BCAT1: variants seen among roughly 807,000 people sequenced by gnomAD.
BCAT1 encodes branched chain amino acid transaminase 1, also known as branched-chain-amino-acid aminotransferase, cytosolic.
A neutral mutation model predicts 52.4 loss-of-function variants in BCAT1; 48 were observed. The observed-to-expected ratio is 0.92, with a 90% confidence interval of 0.73 to 1.16. The LOEUF (loss-of-function observed/expected upper bound fraction) is 1.16. Among genes scored for constraint, BCAT1 ranks in the 50% most tolerant of loss-of-function variants. The pLI, the probability that BCAT1 is intolerant of heterozygous loss-of-function variation, is 0.00. For synonymous variants in BCAT1, 167 were observed against 161.3 expected (o/e 1.04, Z -0.27); for missense variants, 451 against 457.1 (o/e 0.99, Z 0.12).
intron 1 of BCAT1, chr12:24,902,113 C>T: frequency 6.8e-7 from 1 of 1,465,612 alleles, no homozygotes. Flanking sequence ...GGTTTTTGTC[C>T]TCCTCCGCCG....
chr12:24,890,224 G>C (rs1215598255), intron 3 of BCAT1, among the ~76,000 whole-genome samples: 1 of 152,170 alleles, frequency 6.6e-6, no homozygotes, highest in Non-Finnish European at 1.5e-5. Flanking sequence ...ACTTGTGTCT[G>C]GGCCAGGTGA....
chr12:24,902,176 C>T (rs1943124544), intron 1 of BCAT1: 1 of 1,432,682 alleles, frequency 7.0e-7, no homozygotes, highest in Admixed American at 2.9e-5. Context: ...CCAGGGTTCG[C>T]CGGCAAAGAA....
intron 3 of BCAT1, among the ~76,000 whole-genome samples, chr12:24,889,420 A>G (rs921059973): frequency 2.0e-5 from 3 of 152,206 alleles, no homozygotes; most frequent in African/African-American, 7.2e-5. Flanking sequence ...TGGCCGAACA[A>G]TATTTCCAGT....
At chr12:24,884,588 C>T (rs952450813) in intron 3 of BCAT1, among the ~76,000 whole-genome samples, 1 of 152,144 alleles carries the variant, frequency 6.6e-6, no homozygotes, top group African/African-American at 2.4e-5. Flanking sequence ...CAAAACACTA[C>T]ATCGTACCCC....
intron 1 of BCAT1, 123 bp from the exon 2 acceptor site, chr12:24,902,008 A>G: frequency 6.3e-7 from 1 of 1,589,466 alleles, no homozygotes; most frequent in African/African-American, 1.3e-5. Context: ...AACACAAAAA[A>G]GGAGGCTCAG....
intron 1 of BCAT1, among the ~76,000 whole-genome samples, chr12:24,923,564 G>C (rs1565500502): frequency 6.6e-6 from 1 of 152,100 alleles, no homozygotes; most frequent in African/African-American, 2.4e-5. Flanking sequence ...GCACCACCAT[G>C]CCTGGCTAAT....
chr12:24,880,349 A>T (rs1447824316), intron 4 of BCAT1, among the ~76,000 whole-genome samples: 1 of 152,188 alleles, frequency 6.6e-6, no homozygotes, highest in East Asian at 1.9e-4. Context: ...CCCAGATACT[A>T]AGGAGGCTGA....
intron 5 of BCAT1, among the ~76,000 whole-genome samples, chr12:24,868,741 C>A (rs1179107602): frequency 6.6e-6 from 1 of 152,114 alleles, no homozygotes; most frequent in Non-Finnish European, 1.5e-5. Flanking sequence ...CAAAAAATTT[C>A]TTTAAAATGC....
intron 6 of BCAT1, 50 bp from the exon 7 acceptor site, chr12:24,842,274 C>G (rs780048756): frequency 6.3e-7 from 1 of 1,592,294 alleles, no homozygotes; most frequent in Non-Finnish European, 8.6e-7. Flanking sequence ...CATCCCCACT[C>G]CCTCATCTTC....
intron 1 of BCAT1, among the ~76,000 whole-genome samples, chr12:24,930,957 A>G (rs1271648900): frequency 7.0e-6 from 1 of 143,404 alleles, no homozygotes; most frequent in Non-Finnish European, 1.5e-5. Context: ...TTGGAGTACA[A>G]TGGCACACAA....
At chr12:24,911,297 G>A (rs1403866586) in intron 1 of BCAT1, among the ~76,000 whole-genome samples, 4 of 152,086 alleles carry the variant, frequency 2.6e-5, no homozygotes, top group Admixed American at 6.6e-5. Flanking sequence ...AACACCAGAT[G>A]ACATAATCTG....
intron 5 of BCAT1, among the ~76,000 whole-genome samples, chr12:24,850,624 T>G (rs1166239789): frequency 6.6e-6 from 1 of 152,230 alleles, no homozygotes; most frequent in Non-Finnish European, 1.5e-5. Context: ...TAGCCTACTC[T>G]TGTGCCAATT....
chr12:24,911,645 T>C (rs964277494), intron 1 of BCAT1, among the ~76,000 whole-genome samples: 21 of 152,140 alleles, frequency 1.4e-4, no homozygotes, highest in African/African-American at 5.1e-4. Flanking sequence ...AAAGTGCAAA[T>C]TCCTGAGCTT....
At chr12:24,881,143 G>A (rs1942480841) in intron 4 of BCAT1, among the ~76,000 whole-genome samples, 158 bp downstream of exon 4, 1 of 152,168 alleles carries the variant, frequency 6.6e-6, no homozygotes, top group South Asian at 2.1e-4. Flanking sequence ...CCATTTTCTT[G>A]TATTTTTACC....
chr12:24,870,417 A>C (rs1942150099), intron 5 of BCAT1, among the ~76,000 whole-genome samples: 1 of 152,250 alleles, frequency 6.6e-6, no homozygotes, highest in African/African-American at 2.4e-5. Flanking sequence ...TAGTAGAATG[A>C]GATGGGAAAG....
chr12:24,840,513 T>C (rs1047524753), intron 7 of BCAT1, among the ~76,000 whole-genome samples: 1 of 152,196 alleles, frequency 6.6e-6, no homozygotes, highest in East Asian at 1.9e-4. Context: ...TTTCAAACAG[T>C]GCCAAGTACA....
At chr12:24,896,761 C>T (rs1236240192) in intron 2 of BCAT1, among the ~76,000 whole-genome samples, 1 of 151,514 alleles carries the variant, frequency 6.6e-6, no homozygotes, top group African/African-American at 2.4e-5. Flanking sequence ...AGTGGAACTC[C>T]ATCTCAAAAA....
intron 5 of BCAT1, among the ~76,000 whole-genome samples, chr12:24,857,746 G>T (rs1229835532): frequency 6.6e-6 from 1 of 152,122 alleles, no homozygotes; most frequent in Non-Finnish European, 1.5e-5. Context: ...AAAATCCAAG[G>T]CATTGCTCTG....
chr12:24,832,911 T>G (rs773980888), intron 8 of BCAT1, 48 bp from the exon 9 acceptor site: 1 of 1,526,314 alleles, frequency 6.6e-7, no homozygotes, highest in South Asian at 1.2e-5. Flanking sequence ...GGAAAAGGCA[T>G]GCAAAACAAT....
Sources: allele counts gnomAD v4.1 joint callset (sites outside exome capture counted in the v4.1 genomes callset), GRCh38; gene constraint gnomAD v4.1.1; transcripts MANE v1.5; gene names NCBI Gene and HGNC (gene_info 2026-07-23, HGNC 2026-07-21).